CCDC171: variants seen among roughly 807,000 people sequenced by gnomAD.
CCDC171 encodes the protein coiled-coil domain-containing protein 171.
A neutral mutation model predicts 168.2 loss-of-function variants in CCDC171; 177 were observed. That is an observed-to-expected ratio of 1.05 (90% CI 0.93 to 1.19). The LOEUF is 1.19. Ranked by LOEUF, CCDC171 falls within the 50% of genes most tolerant of loss-of-function variation. The pLI is 0.00. For missense variants in CCDC171, 1,991 were observed against 1,539.0 expected, an observed-to-expected ratio of 1.29 and a Z score of -4.91; for synonymous variants, 687 against 540.8, an observed-to-expected ratio of 1.27 and a Z score of -3.75.
chr9:15,594,179 T>A lies in CCDC171; in HGVS notation c.675+7T>A, dbSNP rs1396308478. The A allele has an allele frequency of 1.5e-6, 2 of 1,325,432 alleles. No individual in the cohort carries two copies. The highest frequency in any genetic ancestry group is 2.1e-6 in the Non-Finnish European group (2 of 946,752). 82.1% of individuals were successfully genotyped at this position (1,325,432 alleles called of 1,614,324 possible). On this transcript the variant is annotated splice_region_variant and intron_variant, in intron 6 of 25. Transcript: ENST00000380701. ...ATTACAATTTATAGTACAGGTATTTTAAAAATAATCAGTTCCTTAAATATA... is the reference window on the plus strand; with the variant it reads ...ATTACAATTTATAGTACAGGTATTTAAAAAATAATCAGTTCCTTAAATATA...
At chr9:15,945,991 T>C (rs976754537) in intron 25 of CCDC171, among the ~76,000 whole-genome samples, 1 of 151,674 alleles carries the variant, frequency 6.6e-6, no homozygotes, top group African/African-American at 2.4e-5. Context: ...CTAGGTTTTC[T>C]TCTCTGGTTT....
chr9:15,988,488 C>A (rs1413440719), intron 3 of CCDC171, among the ~76,000 whole-genome samples: 2 of 152,128 alleles, frequency 1.3e-5, no homozygotes, highest in Non-Finnish European at 2.9e-5. Flanking sequence ...TCTACAGTTC[C>A]CAGCTTGAGT....
chr9:15,741,543 G>A lies in CCDC171; in HGVS notation c.2050-2730G>A, dbSNP rs192704507. On this transcript the variant is annotated intron_variant, in intron 16 of 25. Transcript: ENST00000380701. ...TTCATTCATCCTCTGTTAGGCATTT[G>A]TGTTTTTCCTACCTTTTGGCTATTG... Among the ~76,000 whole-genome samples, 5 of 152,228 alleles carry A rather than the reference G, an allele frequency of 3.3e-5. No homozygotes were observed. In the East Asian group the frequency reaches 5.8e-4, roughly 18 times the overall value.
In CCDC171 at chr9:15,815,943, A is replaced by G. The variant is rs187427060; in HGVS notation, c.3268-30759A>G. Among the ~76,000 whole-genome samples the G allele has an allele frequency of 5.0e-3, 588 of 117,786 alleles. 163 individuals are homozygous for G. Among genetic ancestry groups the G allele is most frequent in the African/African-American group, 0.017 (534 of 31,746 alleles). 77.3% of individuals were successfully genotyped at this position (117,786 alleles called of 152,430 possible). Reference sequence around the variant, plus strand: ...TTAAGAAAACAATAGCTCTCAGACCACTTTTTAAAAATAATAATTTTAGCA... The same window carrying G: ...TTAAGAAAACAATAGCTCTCAGACCGCTTTTTAAAAATAATAATTTTAGCA... On this transcript the variant is annotated intron_variant, in intron 21 of 25. Coordinates refer to ENST00000380701, the MANE Select transcript of CCDC171 (RefSeq NM_173550.4).
intron 21 of CCDC171, among the ~76,000 whole-genome samples, chr9:15,808,228 G>A (rs913233440): frequency 1.3e-5 from 2 of 152,116 alleles, no homozygotes; most frequent in African/African-American, 4.8e-5. Flanking sequence ...TAGAGAGAAG[G>A]AGAGCAAGTC....
intron 23 of CCDC171, among the ~76,000 whole-genome samples, chr9:15,871,031 A>G (rs2062016997): frequency 6.6e-6 from 1 of 151,340 alleles, no homozygotes. Context: ...GTTTTTTATG[A>G]TATGTCTATT....
chr9:16,095,218 C>G, the CCDC171 span, among the ~76,000 whole-genome samples: 2 of 152,214 alleles, frequency 1.3e-5, no homozygotes, highest in African/African-American at 4.8e-5. Flanking sequence ...GAAGCTCCCT[C>G]AGGAGCAGTT....
chr9:15,831,977 C>T (rs1352270081), intron 21 of CCDC171, among the ~76,000 whole-genome samples: 1 of 151,732 alleles, frequency 6.6e-6, no homozygotes, highest in East Asian at 1.9e-4. Flanking sequence ...CTTTTTTTGT[C>T]CCCTGTGCCA....
chr9:15,741,182 G>T lies in CCDC171; in HGVS notation c.2050-3091G>T, dbSNP rs199988909. Among the ~76,000 whole-genome samples the T allele has an allele frequency of 7.9e-5, 12 of 152,248 alleles. No individual in the cohort carries two copies. The East Asian group carries it at 2.3e-3, about 29-fold the overall frequency. On this transcript the variant is annotated intron_variant, in intron 16 of 25. Transcript: ENST00000380701. ...TGATCCTTTTAAAGTATACAGTTCA[G>T]TGGCATTAAGTGTGTTCACAGTATT...
rs547762390 is a variant in CCDC171 at position 15,559,222 on chromosome 9, G to A, written c.-111-4756G>A. On this transcript the variant is annotated intron_variant, in intron 1 of 25. Coordinates refer to ENST00000380701, the MANE Select transcript of CCDC171 (RefSeq NM_173550.4). ...AATGTATATTCTGTTGATTTGGGGT[G>A]GAGAATTCTGTAGATGTCTGTTAGG... 5.9e-5 allele frequency among the ~76,000 whole-genome samples: 9 copies of A among 152,110 alleles called. No homozygotes were observed. The East Asian group carries it at 1.7e-3, about 29-fold the overall frequency.
At chr9:16,025,653 C>A (rs745628443) in intron 6 of CCDC171, among the ~76,000 whole-genome samples, 5 of 152,110 alleles carry the variant, frequency 3.3e-5, no homozygotes, top group African/African-American at 1.2e-4. Context: ...ATAGATGAAC[C>A]TTGGAAACAC....
chr9:15,585,629 G>A (rs2041496607), intron 4 of CCDC171, among the ~76,000 whole-genome samples: 1 of 152,072 alleles, frequency 6.6e-6, no homozygotes, highest in Non-Finnish European at 1.5e-5. Context: ...GGTACTTTTT[G>A]GGTTGAAAGA....
chr9:15,633,674 G>T (rs1353883980), intron 7 of CCDC171, among the ~76,000 whole-genome samples: 1 of 152,142 alleles, frequency 6.6e-6, no homozygotes, highest in African/African-American at 2.4e-5. Context: ...CCATTACTGG[G>T]TATATACCGA....
At chr9:15,854,911 G>A (rs1563876399) in intron 23 of CCDC171, among the ~76,000 whole-genome samples, 1 of 151,458 alleles carries the variant, frequency 6.6e-6, no homozygotes, top group Non-Finnish European at 1.5e-5. Context: ...TTTTTGCTAT[G>A]GAGTTATACT....
At chr9:15,789,719 T>A (rs983476095) in intron 21 of CCDC171, among the ~76,000 whole-genome samples, 1 of 152,110 alleles carries the variant, frequency 6.6e-6, no homozygotes, top group Non-Finnish European at 1.5e-5. Context: ...GTCATTTACA[T>A]TAGGTATATC....
At chr9:15,566,939 G>T (rs1048869646) in intron 2 of CCDC171, among the ~76,000 whole-genome samples, 1 of 151,950 alleles carries the variant, frequency 6.6e-6, no homozygotes, top group Non-Finnish European at 1.5e-5. Flanking sequence ...CCGTTGAATT[G>T]CCTTGATACT....
intron 3 of CCDC171, among the ~76,000 whole-genome samples, chr9:16,006,163 A>T (rs117498992): frequency 6.6e-6 from 1 of 152,124 alleles, no homozygotes; most frequent in Non-Finnish European, 1.5e-5. Flanking sequence ...TGCCCAACCA[A>T]GAAGGTTCTA....
At chr9:15,794,941 A>G (rs796684688) in intron 21 of CCDC171, among the ~76,000 whole-genome samples, 78 of 152,346 alleles carry the variant, frequency 5.1e-4, no homozygotes, top group African/African-American at 1.6e-3. Flanking sequence ...TCCTACTGTC[A>G]TCACTTTCTT....
At chr9:15,875,616 A>T (rs1030946956) in intron 24 of CCDC171, 11 of 152,040 alleles carry the variant, frequency 7.2e-5, no homozygotes, top group African/African-American at 2.7e-4. Context: ...ACATGTTGAG[A>T]TTTAAAATAA....
Sources: allele counts gnomAD v4.1 joint callset (sites outside exome capture counted in the v4.1 genomes callset), GRCh38; gene constraint gnomAD v4.1.1; transcripts MANE v1.5; gene names NCBI Gene and HGNC (gene_info 2026-07-23, HGNC 2026-07-21).